OR4F3: variants seen among roughly 807,000 people sequenced by gnomAD.
OR4F3 encodes olfactory receptor family 4 subfamily F member 3.
the OR4F3 span, among the ~76,000 whole-genome samples, chr5:181,354,494 G>C: frequency 1.5e-5 from 2 of 132,804 alleles, 1 homozygote; most frequent in Non-Finnish European, 3.2e-5. Flanking sequence ...TCTTCATGGA[G>C]AACCTCTGCT....
the OR4F3 span, among the ~76,000 whole-genome samples, chr5:181,357,332 G>T: frequency 3.8e-5 from 5 of 132,484 alleles, no homozygotes; most frequent in East Asian, 9.9e-4. Context: ...TCCTTATACA[G>T]TTATGGTTTG....
At chr5:181,358,672 AGGGTT>A in the OR4F3 span, among the ~76,000 whole-genome samples, 2,919 of 48,258 alleles carry the variant, frequency 0.06, 103 homozygotes, top group African/African-American at 0.22. Flanking sequence ...CACTCTGTGG[AGGGTT>A]CACATGCTGC....
the OR4F3 span, among the ~76,000 whole-genome samples, chr5:181,357,633 A>AT: frequency 6.0e-3 from 64 of 10,662 alleles, 2 homozygotes; most frequent in East Asian, 0.018. Context: ...TGGGGACTCT[A>AT]TTTTTTTTTT....
At chr5:181,358,242 T>C in the OR4F3 span, among the ~76,000 whole-genome samples, 25 of 129,776 alleles carry the variant, frequency 1.9e-4, 5 homozygotes, top group Non-Finnish European at 3.2e-4. Flanking sequence ...CTTTTTCTTC[T>C]AGTATTTTTA....
At chr5:181,363,447 C>G (rs1324656460), upstream of OR4F3, among the ~76,000 whole-genome samples, 1 of 92,268 alleles carries the variant, frequency 1.1e-5, no homozygotes, top group East Asian at 2.9e-4. Context: ...ATGTATGGAG[C>G]TAAGTTTGTG....
At chr5:181,360,876 GT>G in the OR4F3 span, among the ~76,000 whole-genome samples, 1 of 128,692 alleles carries the variant, frequency 7.8e-6, no homozygotes, top group African/African-American at 3.5e-5. Flanking sequence ...TTTTTCCTGT[GT>G]ATTATTTCCT....
At chr5:181,363,756 G>A (rs371950910), upstream of OR4F3, among the ~76,000 whole-genome samples, 289 of 86,488 alleles carry the variant, frequency 3.3e-3, 6 homozygotes, top group African/African-American at 0.025. Context: ...CCAGTGAATT[G>A]CATGTGTATA....
chr5:181,358,282 A>G, the OR4F3 span, among the ~76,000 whole-genome samples: 2 of 131,912 alleles, frequency 1.5e-5, no homozygotes, highest in African/African-American at 6.4e-5. Flanking sequence ...TTTTTGTAAT[A>G]CAATTATTAT....
the OR4F3 span, among the ~76,000 whole-genome samples, chr5:181,354,573 G>T: frequency 8.0e-6 from 1 of 125,676 alleles, no homozygotes; most frequent in Admixed American, 7.5e-5. Context: ...GTACTGCCTA[G>T]TGGAGCTATG....
chr5:181,359,073 G>A, the OR4F3 span, among the ~76,000 whole-genome samples: 1 of 117,778 alleles, frequency 8.5e-6, no homozygotes, highest in Non-Finnish European at 1.7e-5. Flanking sequence ...GATTATATGT[G>A]TTTTGTGAAT....
chr5:181,360,713 T>G, the OR4F3 span, among the ~76,000 whole-genome samples: 705 of 130,014 alleles, frequency 5.4e-3, 73 homozygotes, highest in Admixed American at 0.049. Flanking sequence ...CTTCTCCTCC[T>G]TTATTCTTGA....
the OR4F3 span, among the ~76,000 whole-genome samples, chr5:181,356,596 G>C: frequency 3.8e-5 from 5 of 131,174 alleles, 2 homozygotes; most frequent in Non-Finnish European, 8.2e-5. Context: ...CTCTGGCCTC[G>C]CGGAGCAGAT....
the OR4F3 span, among the ~76,000 whole-genome samples, chr5:181,358,322 A>T: frequency 7.6e-6 from 1 of 132,018 alleles, no homozygotes; most frequent in African/African-American, 3.2e-5. Context: ...TTAGTCTTTG[A>T]ATATTCTAGA....
chr5:181,357,097 T>C, the OR4F3 span, among the ~76,000 whole-genome samples: 1 of 134,700 alleles, frequency 7.4e-6, no homozygotes, highest in African/African-American at 3.1e-5. Flanking sequence ...TCTTTTAATA[T>C]AGTTCCACTT....
upstream of OR4F3, among the ~76,000 whole-genome samples, chr5:181,364,170 C>CT (rs1329030524): frequency 1.2e-4 from 2 of 16,028 alleles, no homozygotes; most frequent in Non-Finnish European, 1.9e-4. Context: ...TATTTTTAAT[C>CT]TTTTTTTAAC....
the OR4F3 span, among the ~76,000 whole-genome samples, chr5:181,362,136 T>C: frequency 9.2e-6 from 1 of 109,010 alleles, no homozygotes; most frequent in African/African-American, 6.3e-5. Flanking sequence ...TGGAGAATTT[T>C]ATATTTTTCA....
chr5:181,356,563 C>T, the OR4F3 span, among the ~76,000 whole-genome samples: 3 of 133,166 alleles, frequency 2.3e-5, 1 homozygote, highest in Non-Finnish European at 4.8e-5. Context: ...AATGTGGTTT[C>T]AGGCACAACT....
chr5:181,363,799 T>G (rs1351616534), upstream of OR4F3, among the ~76,000 whole-genome samples: 4 of 88,196 alleles, frequency 4.5e-5, 1 homozygote, highest in South Asian at 3.8e-4. Context: ...ATATTTCCAT[T>G]TATTATCATC....
upstream of OR4F3, among the ~76,000 whole-genome samples, chr5:181,362,646 A>C (rs1329286933): frequency 8.8e-6 from 1 of 113,868 alleles, no homozygotes; most frequent in Non-Finnish European, 1.7e-5. Flanking sequence ...AGTATTTAAA[A>C]TTTGAGAAAT....
Sources: gnomAD v4.1 joint callset for allele counts (sites outside exome capture counted in the v4.1 genomes callset) on GRCh38, gnomAD v4.1.1 for gene constraint, MANE v1.5 for transcripts, NCBI Gene and HGNC (gene_info 2026-07-23, HGNC 2026-07-21) for gene names.